Variants in MBTD1 observed in about 807,000 individuals in gnomAD.
MBTD1 encodes MBT domain-containing protein 1.
A neutral mutation model predicts 87.8 loss-of-function variants in MBTD1; 24 were observed. That is an observed-to-expected ratio of 0.27 (90% CI 0.20 to 0.38). The LOEUF (loss-of-function observed/expected upper bound fraction) is 0.38, where lower values mean the gene tolerates loss of function less well. Ranked by LOEUF, MBTD1 falls within the 10% of genes least tolerant of loss-of-function variation. MBTD1 has a pLI of 1.00. For synonymous variants in MBTD1, 237 were observed against 248.6 expected (o/e 0.95, Z 0.44); for missense variants, 436 against 760.2 (o/e 0.57, Z 5.02).
At chr17:51,224,881 TTA>T (rs2053124900) in intron 3 of MBTD1, 125 bp downstream of exon 3, 1 of 516,036 alleles carries the variant, frequency 1.9e-6, no homozygotes, top group African/African-American at 2.0e-5. Context: ...TTATCTCGAA[TTA>T]TAAACGTCAG....
chr17:51,223,479 T>G (rs1283017419), intron 3 of MBTD1, among the ~76,000 whole-genome samples: 1 of 151,748 alleles, frequency 6.6e-6, no homozygotes, highest in Non-Finnish European at 1.5e-5. Flanking sequence ...GAGATTGCAG[T>G]GAGTCGAGAT....
chr17:51,199,832 GT>G (rs373922249), intron 12 of MBTD1, among the ~76,000 whole-genome samples: 4 of 146,364 alleles, frequency 2.7e-5, no homozygotes, highest in South Asian at 2.2e-4. Flanking sequence ...CTTTTTTTCT[GT>G]TTTTTTTTTG....
chr17:51,224,977 T>C (rs889944841), intron 3 of MBTD1, 31 bp downstream of exon 3: 3 of 1,418,460 alleles, frequency 2.1e-6, no homozygotes, highest in Admixed American at 2.3e-5. Flanking sequence ...AACATAAAGC[T>C]GTAGAACAGG....
At chr17:51,217,733 C>T (rs1239239786) in intron 5 of MBTD1, among the ~76,000 whole-genome samples, 1 of 152,098 alleles carries the variant, frequency 6.6e-6, no homozygotes, top group South Asian at 2.1e-4. Flanking sequence ...CTCAGCCTCC[C>T]GAGCATCTGG....
At chr17:51,260,824 G>A (rs1331649529), upstream of MBTD1, 10 of 1,595,620 alleles carry the variant, frequency 6.3e-6, no homozygotes, top group Non-Finnish European at 7.7e-6. Flanking sequence ...GCCTGAGGCT[G>A]GAGGAGGACA....
intron 12 of MBTD1, among the ~76,000 whole-genome samples, chr17:51,198,369 G>A (rs2051261984): frequency 6.6e-6 from 1 of 152,198 alleles, no homozygotes; most frequent in African/African-American, 2.4e-5. Flanking sequence ...TTTAAAGCCT[G>A]TAATAATGGT....
At chr17:51,240,968 T>C (rs1038939279) in intron 2 of MBTD1, among the ~76,000 whole-genome samples, 8 of 152,194 alleles carry the variant, frequency 5.3e-5, no homozygotes, top group Middle Eastern at 6.8e-3. Context: ...CCACCCCTTA[T>C]TGGTGATGTT....
chr17:51,217,411 A>T lies in MBTD1; in HGVS notation c.409T>A (p.Ser137Thr). 6.7e-7 allele frequency: 1 copy of T among 1,496,248 alleles called. No homozygotes were observed. Among genetic ancestry groups the T allele is most frequent in the Non-Finnish European group, 9.0e-7 (1 of 1,111,834 alleles). The allele number at this position is 1,496,248 out of a possible 1,614,324, so 92.7% of individuals were successfully genotyped here. A position where few individuals can be genotyped will look rare whatever the true frequency, so the allele number is the denominator to read the frequency against. ...TTACCCCAGCTGAAACCTTCCATGG[A>T]GACTGCTAAAATGAAACAAATTTAG... is the stretch of plus-strand genomic sequence containing the variant. ...QNQAKTKAAVSMEGFSWGNYI... is the reference protein window; with the variant it reads ...QNQAKTKAAVTMEGFSWGNYI... The change falls in exon 6 of 17, where the codon TCC becomes ACC. Residue 137 changes from serine to threonine, a missense_variant. Physicochemically the swap from Ser to Thr is moderately conservative, Grantham distance 58 (BLOSUM62 1). Transcript: ENST00000586178.
intron 16 of MBTD1, among the ~76,000 whole-genome samples, chr17:51,181,683 T>C (rs1598268521): frequency 6.6e-6 from 1 of 152,250 alleles, no homozygotes; most frequent in Non-Finnish European, 1.5e-5. Flanking sequence ...GAAAAACTAA[T>C]ATTAAACTCC....
chr17:51,255,105 AC>A (rs963876958), intron 2 of MBTD1, among the ~76,000 whole-genome samples: 12 of 151,956 alleles, frequency 7.9e-5, no homozygotes, highest in African/African-American at 2.9e-4. Context: ...ATATGATGAA[AC>A]CCCACCTCTA....
At chr17:51,236,556 T>C (rs1173755072) in intron 2 of MBTD1, among the ~76,000 whole-genome samples, 1 of 152,144 alleles carries the variant, frequency 6.6e-6, no homozygotes, top group African/African-American at 2.4e-5. Flanking sequence ...ATGTTTTTTA[T>C]GCCACTTTGT....
chr17:51,205,054 A>T (rs2051739605), intron 7 of MBTD1, among the ~76,000 whole-genome samples: 1 of 152,260 alleles, frequency 6.6e-6, no homozygotes, highest in African/African-American at 2.4e-5. Context: ...TATCCTATTT[A>T]TAATTCTATA....
Position 51,179,483 on chromosome 17 carries a change from TTTATATATATATATATA to T in MBTD1, c.*1076_*1092del, listed in dbSNP as rs1384890229. ...AATCCTGAATACAATTAAAGACAAT[TTTATATATATATATATA>T]TATATATATATATATATATATATAT... On this transcript the variant is annotated 3_prime_UTR_variant, in exon 17 of 17. Transcript: ENST00000586178. The T allele has an allele frequency of 1.6e-3, 60 of 37,048 alleles. No homozygotes were observed. The highest frequency in any genetic ancestry group is 6.0e-3 in the African/African-American group (37 of 6,120). 2.3% of individuals were successfully genotyped at this position (37,048 alleles called of 1,614,324 possible). A position where few individuals can be genotyped will look rare whatever the true frequency, so the allele number is the denominator to read the frequency against.
intron 16 of MBTD1, chr17:51,184,472 A>G (rs1332093908): frequency 6.6e-6 from 1 of 152,238 alleles, no homozygotes; most frequent in Non-Finnish European, 1.5e-5. Context: ...TAAGGTAGCA[A>G]TGTAGTCCCT....
intron 2 of MBTD1, among the ~76,000 whole-genome samples, chr17:51,241,325 C>A (rs768361266): frequency 1.3e-5 from 2 of 152,040 alleles, no homozygotes; most frequent in East Asian, 3.9e-4. Flanking sequence ...CTCCACTGTA[C>A]TTTTACTATT....
chr17:51,207,020 T>C lies in MBTD1; in HGVS notation c.487-15A>G. 1 of 1,403,412 alleles carries C rather than the reference T, an allele frequency of 7.1e-7. No individual in the cohort carries two copies. Among genetic ancestry groups the C allele is most frequent in the Non-Finnish European group, 1.0e-6 (1 of 990,090 alleles). 86.9% of individuals were successfully genotyped at this position (1,403,412 alleles called of 1,614,324 possible). On this transcript the variant is annotated splice_polypyrimidine_tract_variant and intron_variant, in intron 6 of 16. Coordinates refer to ENST00000586178, the MANE Select transcript of MBTD1 (RefSeq NM_017643.3). ...CCCATAGGTGCCTGTCACATAAAAA[T>C]CATTAAATTATTGTCTTATTAACAT...
Position 51,179,508 on chromosome 17 carries a change from A to G in MBTD1, c.*1068T>C, listed in dbSNP as rs866445692. On this transcript the variant is annotated 3_prime_UTR_variant, in exon 17 of 17. Transcript: ENST00000586178. ...TTTATATATATATATATATATATAT[A>G]TATATATATATATATATATATATAT... 1.2e-5 allele frequency: 1 copy of G among 83,816 alleles called. No individual in the cohort carries two copies. Among genetic ancestry groups the G allele is most frequent in the African/African-American group, 4.4e-5 (1 of 22,488 alleles). The allele number at this position is 83,816 out of a possible 1,614,324, so 5.2% of individuals were successfully genotyped here.
At chr17:51,198,406 C>T (rs928746207) in intron 12 of MBTD1, among the ~76,000 whole-genome samples, 3 of 152,148 alleles carry the variant, frequency 2.0e-5, no homozygotes, top group African/African-American at 4.8e-5. Flanking sequence ...GTCTCTTCCC[C>T]CAAGTTCCTT....
At chr17:51,208,926 C>G (rs958554487) in intron 6 of MBTD1, among the ~76,000 whole-genome samples, 1 of 152,184 alleles carries the variant, frequency 6.6e-6, no homozygotes. Flanking sequence ...TCCCTACAGT[C>G]TGGATTGGTA....
Sources: allele counts gnomAD v4.1 joint callset (sites outside exome capture counted in the v4.1 genomes callset), GRCh38; gene constraint gnomAD v4.1.1; transcripts MANE v1.5; gene names NCBI Gene and HGNC (gene_info 2026-07-23, HGNC 2026-07-21).